DISP1: variants seen among roughly 807,000 people sequenced by gnomAD.
DISP1 encodes dispatched RND transporter family member 1, also known as protein dispatched homolog 1.
In DISP1, 30 loss-of-function variants were observed where a neutral mutation model predicts 37.3. That is an observed-to-expected ratio of 0.80 (90% CI 0.60 to 1.09). The LOEUF (loss-of-function observed/expected upper bound fraction) is 1.09, where lower values mean the gene tolerates loss of function less well. DISP1 is among the 50% of genes least tolerant of loss of function. The pLI is 0.00. For missense variants in DISP1, 1,598 were observed against 1,879.5 expected (o/e 0.85, Z 2.77); for synonymous variants, 634 against 690.2 (o/e 0.92, Z 1.28).
At chr1:222,883,686 G>A (rs1235055547) in intron 1 of DISP1, among the ~76,000 whole-genome samples, 1 of 152,182 alleles carries the variant, frequency 6.6e-6, no homozygotes, top group Non-Finnish European at 1.5e-5. Context: ...AGAGAGAGGT[G>A]CACAGGCATA....
intron 8 of DISP1, among the ~76,000 whole-genome samples, chr1:222,996,165 T>C (rs1387682658): frequency 6.6e-6 from 1 of 152,216 alleles, no homozygotes; most frequent in East Asian, 1.9e-4. Flanking sequence ...AGTTTCTTAA[T>C]TGGTGATCAA....
intron 1 of DISP1, among the ~76,000 whole-genome samples, chr1:222,840,565 T>C (rs1474708754): frequency 4.1e-5 from 6 of 146,622 alleles, no homozygotes; most frequent in Non-Finnish European, 8.9e-5. Flanking sequence ...CTCTTTTTTT[T>C]TTTTTTTTTT....
At chr1:222,984,415 A>ATATATATATAT (rs1225969320) in intron 4 of DISP1, among the ~76,000 whole-genome samples, 17 of 58,324 alleles carry the variant, frequency 2.9e-4, no homozygotes, top group East Asian at 5.8e-4. Context: ...AAAAAAAAAA[A>ATATATATATAT]AAAAAAATAT....
chr1:222,919,785 A>G (rs529114712), intron 1 of DISP1, among the ~76,000 whole-genome samples: 3 of 152,288 alleles, frequency 2.0e-5, no homozygotes, highest in Admixed American at 2.0e-4. Context: ...ACTAGCCCTA[A>G]TGTTTTCTAC....
At chr1:222,936,881 T>TATATAATTTATATATCATATATATG (rs1163735203) in intron 2 of DISP1, among the ~76,000 whole-genome samples, 2 of 59,326 alleles carry the variant, frequency 3.4e-5, no homozygotes, top group Non-Finnish European at 6.5e-5. Flanking sequence ...ATATATATGA[T>TATATAATTTATATATCATATATATG]ATATATAATA....
intron 8 of DISP1, among the ~76,000 whole-genome samples, chr1:222,998,266 G>A (rs1400791398): frequency 6.6e-6 from 1 of 151,112 alleles, no homozygotes; most frequent in Non-Finnish European, 1.5e-5. Context: ...GTTGTTATAT[G>A]GAAGCACTTG....
At chr1:222,988,213 C>T (rs777342698) in intron 4 of DISP1, among the ~76,000 whole-genome samples, 5 of 152,116 alleles carry the variant, frequency 3.3e-5, no homozygotes, top group South Asian at 2.1e-4. Flanking sequence ...AAACTTAGAA[C>T]CCATATGATT....
intron 2 of DISP1, among the ~76,000 whole-genome samples, chr1:222,932,265 C>G (rs904880549): frequency 6.6e-5 from 10 of 151,926 alleles, no homozygotes; most frequent in Non-Finnish European, 1.3e-4. Flanking sequence ...GTCCACACTT[C>G]ACTACAATAT....
intron 1 of DISP1, among the ~76,000 whole-genome samples, chr1:222,824,518 G>A (rs905158921): frequency 6.6e-6 from 1 of 152,104 alleles, no homozygotes; most frequent in Admixed American, 6.5e-5. Flanking sequence ...GAGAGAGTTA[G>A]CAGCATGTTG....
intron 1 of DISP1, among the ~76,000 whole-genome samples, chr1:222,876,325 A>T (rs1220909683): frequency 6.6e-6 from 1 of 152,186 alleles, no homozygotes; most frequent in Admixed American, 6.5e-5. Context: ...TTAAATCTTC[A>T]ATAAAGATAA....
intron 3 of DISP1, among the ~76,000 whole-genome samples, chr1:222,962,092 C>G (rs112060763): frequency 0.095 from 14,386 of 152,070 alleles, 1,657 homozygotes; most frequent in African/African-American, 0.27. Flanking sequence ...AAAGTCTCAG[C>G]ATACAAAATC....
chr1:222,911,493 T>G (rs1417522772), intron 1 of DISP1, among the ~76,000 whole-genome samples: 4 of 152,046 alleles, frequency 2.6e-5, no homozygotes, highest in African/African-American at 7.2e-5. Flanking sequence ...GAAGAAATTT[T>G]TTTTTGGCTT....
chr1:222,848,796 C>T (rs1373787423), intron 1 of DISP1, among the ~76,000 whole-genome samples: 2 of 152,040 alleles, frequency 1.3e-5, no homozygotes, highest in East Asian at 3.9e-4. Context: ...TAGCAGTGTA[C>T]TTAGTTGTCT....
At chr1:222,938,682 A>G (rs1022383597) in intron 2 of DISP1, among the ~76,000 whole-genome samples, 3 of 145,744 alleles carry the variant, frequency 2.1e-5, no homozygotes, top group African/African-American at 7.6e-5. Flanking sequence ...GCAGGAAGCC[A>G]TGATCGCACC....
At chr1:222,948,781 GAAGATCCT>G (rs1417036924) in intron 3 of DISP1, among the ~76,000 whole-genome samples, 1 of 152,134 alleles carries the variant, frequency 6.6e-6, no homozygotes, top group Non-Finnish European at 1.5e-5. Flanking sequence ...TATGGTGATG[GAAGATCCT>G]AAGTGCTATC....
chr1:222,889,791 T>A (rs1558313493), intron 1 of DISP1, among the ~76,000 whole-genome samples: 1 of 152,162 alleles, frequency 6.6e-6, no homozygotes, highest in Non-Finnish European at 1.5e-5. Flanking sequence ...CTTTTACACT[T>A]GTACTTTTCC....
chr1:222,959,264 A>C (rs1409493718), intron 3 of DISP1, among the ~76,000 whole-genome samples: 4 of 152,332 alleles, frequency 2.6e-5, no homozygotes, highest in African/African-American at 9.6e-5. Context: ...CAATAGTATT[A>C]ATGATTTTAT....
intron 3 of DISP1, among the ~76,000 whole-genome samples, chr1:222,957,608 A>T (rs1273228742): frequency 6.6e-6 from 1 of 152,068 alleles, no homozygotes; most frequent in African/African-American, 2.4e-5. Context: ...ATAAAAAATA[A>T]AATAAAGGGA....
intron 1 of DISP1, among the ~76,000 whole-genome samples, chr1:222,832,556 G>A (rs1666015707): frequency 6.6e-6 from 1 of 152,142 alleles, no homozygotes; most frequent in South Asian, 2.1e-4. Context: ...TAGCTAATTT[G>A]ACTTCTTTTG....
Sources: allele counts gnomAD v4.1 joint callset (sites outside exome capture counted in the v4.1 genomes callset), GRCh38; gene constraint gnomAD v4.1.1; transcripts MANE v1.5; gene names NCBI Gene and HGNC (gene_info 2026-07-23, HGNC 2026-07-21).